LINC00237: variants seen among roughly 807,000 people sequenced by gnomAD.
The protein encoded by LINC00237 is long independently transcribed non-coding RNA 237.
exon 4 of LINC00237, among the ~76,000 whole-genome samples, chr20:21,085,673 C>T (rs1399708840): frequency 7.9e-5 from 12 of 152,156 alleles, no homozygotes; most frequent in Non-Finnish European, 5.9e-5. Context: ...AGGCTATTGA[C>T]TGAAGGGGAC....
intron 2 of LINC00237, among the ~76,000 whole-genome samples, chr20:21,091,062 T>C (rs6035778): frequency 7.9e-5 from 11 of 139,424 alleles, no homozygotes; most frequent in South Asian, 4.3e-4. Context: ...TGTGTGTGCG[T>C]GTGTGTGTGT....
intron 3 of LINC00237, among the ~76,000 whole-genome samples, chr20:21,086,524 C>A (rs563359257): frequency 4.3e-5 from 6 of 141,162 alleles, no homozygotes; most frequent in African/African-American, 1.3e-4. Flanking sequence ...TATATAGATA[C>A]ATATCTATAT....
chr20:21,094,683 T>C (rs1174731075), intron 1 of LINC00237, among the ~76,000 whole-genome samples: 1 of 152,172 alleles, frequency 6.6e-6, no homozygotes, highest in Non-Finnish European at 1.5e-5. Flanking sequence ...GTAGTCCTAA[T>C]TGGAGGCTGA....
At chr20:21,103,527 G>A (rs1283317302) in intron 1 of LINC00237, among the ~76,000 whole-genome samples, 1 of 152,192 alleles carries the variant, frequency 6.6e-6, no homozygotes, top group Non-Finnish European at 1.5e-5. Flanking sequence ...TTTTTAAGAA[G>A]CTGGCAATTT....
intron 2 of LINC00237, among the ~76,000 whole-genome samples, chr20:21,089,173 A>G (rs943098709): frequency 1.3e-5 from 2 of 150,760 alleles, no homozygotes; most frequent in Non-Finnish European, 2.9e-5. Flanking sequence ...CTGAATATTC[A>G]TTGATGTATC....
chr20:21,088,467 A>G (rs977513829), intron 2 of LINC00237, among the ~76,000 whole-genome samples: 28 of 152,372 alleles, frequency 1.8e-4, no homozygotes, highest in African/African-American at 5.5e-4. Flanking sequence ...TCTGTGGCCA[A>G]TAAAGACTGG....
rs1418065699 is a variant in LINC00237 at position 21,103,228 on chromosome 20, G to C, written n.88+3043C>G. On this transcript the variant is annotated intron_variant and non_coding_transcript_variant, in intron 1 of 3. Coordinates refer to ENST00000691244, the Ensembl canonical transcript of LINC00237. Reference sequence around the variant, plus strand: ...CTCGCACACCTGCCCATCTTTCCCTGCTCAACACGAAAGCGCCTTGTGGCT... The same window carrying C: ...CTCGCACACCTGCCCATCTTTCCCTCCTCAACACGAAAGCGCCTTGTGGCT... Among the ~76,000 whole-genome samples the C allele has an allele frequency of 1.3e-5, 2 of 152,256 alleles. 1 individual carries two copies. The highest frequency in any genetic ancestry group is 1.3e-4 in the Admixed American group (2 of 15,292).
intron 1 of LINC00237, among the ~76,000 whole-genome samples, chr20:21,105,956 C>T (rs923867395): frequency 1.4e-4 from 21 of 152,292 alleles, no homozygotes; most frequent in Admixed American, 3.9e-4. Context: ...AAAGTCAAGG[C>T]GCGGGGCGGG....
At chr20:21,097,262 A>G (rs6047244) in intron 1 of LINC00237, among the ~76,000 whole-genome samples, 61,952 of 152,040 alleles carry the variant, frequency 0.41, 18,390 homozygotes, top group African/African-American at 0.81. Context: ...AAGAAAATGA[A>G]AGGTGACAGG....
intron 1 of LINC00237, among the ~76,000 whole-genome samples, chr20:21,095,873 A>G (rs1395228226): frequency 6.6e-6 from 1 of 152,222 alleles, no homozygotes; most frequent in Non-Finnish European, 1.5e-5. Context: ...TGAGGAAATA[A>G]TGCCAGCAGA....
chr20:21,095,571 G>A (rs1178996040), intron 1 of LINC00237, among the ~76,000 whole-genome samples: 1 of 152,186 alleles, frequency 6.6e-6, no homozygotes, highest in Non-Finnish European at 1.5e-5. Context: ...ATGGTATTAG[G>A]GAGCCCTAAA....
At chr20:21,091,847 C>T (rs1446255548) in intron 2 of LINC00237, among the ~76,000 whole-genome samples, 3 of 152,180 alleles carry the variant, frequency 2.0e-5, no homozygotes, top group Non-Finnish European at 2.9e-5. Context: ...AATCTAACTG[C>T]CTTCAGAAAA....
At position 21,104,345 on chromosome 20, in the gene LINC00237, T is replaced by A. The variant is rs144824052; in HGVS notation, n.88+1926A>T. On this transcript the variant is annotated intron_variant and non_coding_transcript_variant, in intron 1 of 3. Transcript: ENST00000691244. ...CATGCGGGAACCAGAGCGTTGGCCTTTGGTCAGGTCAGTACCCCGAGGTGG... is the reference window on the plus strand; with the variant it reads ...CATGCGGGAACCAGAGCGTTGGCCTATGGTCAGGTCAGTACCCCGAGGTGG... 1.4e-3 allele frequency among the ~76,000 whole-genome samples: 219 copies of A among 152,358 alleles called. 1 individual carries two copies. The highest frequency in any genetic ancestry group is 2.6e-3 in the Non-Finnish European group (176 of 68,030).
At chr20:21,096,561 A>G (rs2030860972) in intron 1 of LINC00237, among the ~76,000 whole-genome samples, 1 of 152,188 alleles carries the variant, frequency 6.6e-6, no homozygotes, top group Non-Finnish European at 1.5e-5. Context: ...GGAGTCTCCG[A>G]CCCTGGAAGA....
At position 21,101,904 on chromosome 20, in the gene LINC00237, G is replaced by A. The variant is rs2030937542; in HGVS notation, n.88+4367C>T. On this transcript the variant is annotated intron_variant and non_coding_transcript_variant, in intron 1 of 3. Coordinates refer to ENST00000691244, the Ensembl canonical transcript of LINC00237. This position sits in a 1 kb window ranked among gnomAD's most constrained non-coding sequence, Gnocchi z 4.3. ...GGGGGCGGAGTGCGGCGAGGGGTGA[G>A]GGCGCGACCGCCTTGGGGCAGGGGC... Among the ~76,000 whole-genome samples, 2 of 152,220 alleles carry A rather than the reference G, an allele frequency of 1.3e-5. No individual in the cohort carries two copies. The highest frequency in any genetic ancestry group is 4.8e-5 in the African/African-American group (2 of 41,470).
At chr20:21,105,479 T>A (rs962011544) in intron 1 of LINC00237, among the ~76,000 whole-genome samples, 1 of 152,156 alleles carries the variant, frequency 6.6e-6, no homozygotes, top group Non-Finnish European at 1.5e-5. Flanking sequence ...GACCTGGCTC[T>A]GCATAGCAGC....
rs1212794008 is a variant in LINC00237, at chr20:21,086,502, GAGATACATATCTATAT to G, written n.560-630_560-615del. 1.0e-3 allele frequency among the ~76,000 whole-genome samples: 149 copies of G among 145,788 alleles called. No individual in the cohort carries two copies. In the South Asian group the frequency reaches 0.02, roughly 20 times the overall value. On this transcript the variant is annotated intron_variant and non_coding_transcript_variant, in intron 3 of 3. Transcript: ENST00000691244. The stretch of plus-strand genomic sequence containing the variant: ...AGATATGTATCTATATATATAGAGA[GAGATACATATCTATAT>G]AGATACATATCTATATATGGATACC...
chr20:21,102,483 G>A (rs1051395442), intron 1 of LINC00237, among the ~76,000 whole-genome samples: 1 of 152,172 alleles, frequency 6.6e-6, no homozygotes, highest in African/African-American at 2.4e-5. Context: ...CCCACTAAGA[G>A]GGCCTTTCCA....
chr20:21,086,860 T>C (rs2030716532), intron 3 of LINC00237, among the ~76,000 whole-genome samples: 1 of 131,666 alleles, frequency 7.6e-6, no homozygotes, highest in South Asian at 2.3e-4. Context: ...ACACTATATA[T>C]GTATATAGTA....
Sources: allele counts gnomAD v4.1 joint callset (sites outside exome capture counted in the v4.1 genomes callset), GRCh38; gene constraint gnomAD v4.1.1; non-coding constraint Gnocchi (gnomAD v3.1); transcripts MANE v1.5; gene names NCBI Gene and HGNC (gene_info 2026-07-23, HGNC 2026-07-21).